Variants in TMX2 observed in about 807,000 individuals in gnomAD.
TMX2 encodes thioredoxin-related transmembrane protein 2.
TMX2 carries 20 observed loss-of-function variants against 33.4 expected under a neutral mutation model. The observed-to-expected ratio is 0.60, with a 90% CI of 0.42 to 0.87. The LOEUF is 0.87. Ranked by LOEUF, TMX2 falls within the 40% of genes least tolerant of loss-of-function variation. The pLI is 0.00. For missense variants in TMX2, 340 were observed against 370.7 expected (o/e 0.92, Z 0.68); for synonymous variants, 166 against 140.7 (o/e 1.18, Z -1.27).
chr11:57,715,469 T>G (rs1020844830), intron 1 of TMX2, among the ~76,000 whole-genome samples: 1 of 150,208 alleles, frequency 6.7e-6, no homozygotes, highest in African/African-American at 2.4e-5. Flanking sequence ...TAATGTGCTT[T>G]TAATACTAAA....
chr11:57,728,506 C>G (rs774740160), intron 1 of TMX2, among the ~76,000 whole-genome samples: 1 of 152,212 alleles, frequency 6.6e-6, no homozygotes, highest in East Asian at 1.9e-4. Context: ...TCGAGCTTCT[C>G]CTTCGGTGGA....
chr11:57,738,111 T>G, intron 3 of TMX2, 85 bp downstream of exon 3: 1 of 1,105,506 alleles, frequency 9.0e-7, no homozygotes, highest in East Asian at 2.4e-5. Flanking sequence ...TCCCAACAGT[T>G]GCAATCCCAA....
intron 7 of TMX2, 85 bp downstream of exon 7, chr11:57,739,345 T>G: frequency 2.8e-6 from 4 of 1,439,144 alleles, no homozygotes; most frequent in Non-Finnish European, 3.9e-6. Flanking sequence ...TTCACAGCTC[T>G]GCCACTTGCC....
At chr11:57,716,851 C>T (rs980654928) in intron 1 of TMX2, among the ~76,000 whole-genome samples, 6 of 151,198 alleles carry the variant, frequency 4.0e-5, no homozygotes, top group Non-Finnish European at 5.9e-5. Flanking sequence ...TGACCCCCCC[C>T]ACCTCCCTCC....
chr11:57,737,305 A>G (rs1357298754), intron 1 of TMX2, among the ~76,000 whole-genome samples: 1 of 152,152 alleles, frequency 6.6e-6, no homozygotes, highest in African/African-American at 2.4e-5. Flanking sequence ...CTGCAATCCC[A>G]GCTACCTGGG....
chr11:57,738,547 G>A, intron 4 of TMX2, 117 bp downstream of exon 4: 1 of 1,233,362 alleles, frequency 8.1e-7, no homozygotes, highest in Admixed American at 1.7e-5. Flanking sequence ...GGGCACTGTG[G>A]TTCATTATGA....
chr11:57,726,256 AC>A (rs995835730), intron 1 of TMX2, among the ~76,000 whole-genome samples: 1 of 151,952 alleles, frequency 6.6e-6, no homozygotes, highest in Non-Finnish European at 1.5e-5. Flanking sequence ...CTACTAAAAT[AC>A]AAAAAATCAG....
rs767962300 is a variant in TMX2 at position 57,740,230 on chromosome 11, C to G, written c.876C>G (p.Asn292Lys). The G allele has an allele frequency of 2.4e-5, 38 of 1,604,162 alleles. No individual in the cohort carries two copies. Among genetic ancestry groups the G allele is most frequent in the Admixed American group, 3.5e-5 (2 of 57,378 alleles). Residue 292 changes from asparagine to lysine, a missense_variant, in exon 8 of 8, where the codon AAC (asparagine) becomes AAG (lysine). By Grantham distance (94) the Asn-to-Lys change is moderately conservative. Around this residue, in one of 3 missense-constraint regions of TMX2, gnomAD observed 209 missense variants for 241.6 expected, o/e 0.87. Transcript: ENST00000278422. Reference protein sequence around the residue: ...STPTTVSDGENKKDK With the variant: ...STPTTVSDGEKKKDK ...CCACCACAGTGTCAGATGGGGAAAACAAGAAGGATAAATAAGATCCTCACT... is the reference window on the plus strand; with the variant it reads ...CCACCACAGTGTCAGATGGGGAAAAGAAGAAGGATAAATAAGATCCTCACT...
At chr11:57,728,497 C>T (rs1948146283) in intron 1 of TMX2, among the ~76,000 whole-genome samples, 1 of 152,092 alleles carries the variant, frequency 6.6e-6, no homozygotes, top group Non-Finnish European at 1.5e-5. Flanking sequence ...CCACTGAGTT[C>T]GAGCTTCTCC....
intron 1 of TMX2, among the ~76,000 whole-genome samples, chr11:57,727,082 A>T (rs1343930556): frequency 1.3e-5 from 2 of 152,174 alleles, no homozygotes; most frequent in Non-Finnish European, 2.9e-5. Context: ...TCTTGTAAAT[A>T]TTATGCCAGA....
chr11:57,724,473 A>G (rs1440151664), intron 1 of TMX2, among the ~76,000 whole-genome samples: 1 of 152,168 alleles, frequency 6.6e-6, no homozygotes, highest in Non-Finnish European at 1.5e-5. Flanking sequence ...CCCGTTTTAC[A>G]TGGGTGCCCT....
rs376990321 is a variant in TMX2, at chr11:57,712,783, C to G, written c.165C>G (p.Asp55Glu). The change falls in exon 1 of 8, where the codon GAC becomes GAG. Residue 55 changes from aspartate (D) to glutamate (E), a missense_variant. Around this residue, in one of 3 missense-constraint regions of TMX2, gnomAD observed 106 missense variants for 82.7 expected, o/e 1.28. Coordinates refer to ENST00000278422, the MANE Select transcript of TMX2 (RefSeq NM_015959.4). Reference sequence around the variant, plus strand: ...ACGGTCTGCCCACCCAACGCGAAGACGGTAACCCGTGTGACTTTGACTGGG... The same window carrying G: ...ACGGTCTGCCCACCCAACGCGAAGAGGGTAACCCGTGTGACTTTGACTGGG... ...LCHGLPTQRE[D>E]GNPCDFDWRE... The G allele has an allele frequency of 1.9e-6, 3 of 1,613,978 alleles. No individual in the cohort carries two copies. The highest frequency in any genetic ancestry group is 1.7e-5 in the Admixed American group (1 of 60,000).
In TMX2 at chr11:57,726,401, A is replaced by G. The variant is rs968422484; in HGVS notation, c.190-11207A>G. On this transcript the variant is annotated intron_variant, in intron 1 of 7. Transcript: ENST00000278422. ...GCACTCTGGCCTGGGCGACAGAGCC[A>G]GACTCCATCTCCATAAAAGATAAGA... Among the ~76,000 whole-genome samples the G allele has an allele frequency of 3.9e-5, 6 of 152,186 alleles. No homozygotes were observed. In the East Asian group the frequency reaches 1.2e-3, roughly 29 times the overall value.
intron 1 of TMX2, among the ~76,000 whole-genome samples, chr11:57,727,272 A>G (rs1948068964): frequency 6.6e-6 from 1 of 152,138 alleles, no homozygotes; most frequent in African/African-American, 2.4e-5. Context: ...ATTTAAAACT[A>G]TTACCATCAA....
At chr11:57,713,102 C>G (rs1380205151) in intron 1 of TMX2, among the ~76,000 whole-genome samples, 1 of 152,216 alleles carries the variant, frequency 6.6e-6, no homozygotes, top group Non-Finnish European at 1.5e-5. Context: ...CCTATCAAAA[C>G]TGTACATACA....
intron 1 of TMX2, among the ~76,000 whole-genome samples, chr11:57,717,071 C>T (rs1300760321): frequency 4.0e-5 from 6 of 148,480 alleles, no homozygotes; most frequent in Admixed American, 3.3e-4. Flanking sequence ...GACGGGGCGG[C>T]GGGGCAGAGG....
rs146572351 is a variant in TMX2 at position 57,712,756 on chromosome 11, C to T, written c.138C>T (p.Cys46=). Residue 46 remains cysteine, a synonymous_variant, in exon 1 of 8, where the codon TGC becomes TGT. Coordinates refer to ENST00000278422, the MANE Select transcript of TMX2 (RefSeq NM_015959.4). ...TCGTGAGGAAACTGCCGCCGCTCTG[C>T]CACGGTCTGCCCACCCAACGCGAAG... ...FLLVRKLPPL[C]HGLPTQREDG... The T allele has an allele frequency of 1.9e-5, 30 of 1,614,058 alleles. No individual in the cohort carries two copies. The highest frequency in any genetic ancestry group is 2.3e-5 in the Non-Finnish European group (27 of 1,180,044).
chr11:57,729,771 C>A lies in TMX2; in HGVS notation c.190-7837C>A, dbSNP rs570313363. 2.4e-4 allele frequency among the ~76,000 whole-genome samples: 36 copies of A among 152,230 alleles called. 1 individual carries two copies. Among genetic ancestry groups the A allele is most frequent in the Middle Eastern group, 3.4e-3 (1 of 294 alleles). ...TATGTGTGTGTATACAATATTTTCA[C>A]TACTGAAAATATATAAAGAGCTCTA... On this transcript the variant is annotated intron_variant, in intron 1 of 7. Coordinates refer to ENST00000278422, the MANE Select transcript of TMX2 (RefSeq NM_015959.4).
At chr11:57,727,206 A>G (rs1390207117) in intron 1 of TMX2, among the ~76,000 whole-genome samples, 1 of 152,068 alleles carries the variant, frequency 6.6e-6, no homozygotes, top group African/African-American at 2.4e-5. Context: ...CCCTTAAACA[A>G]TTGGCTATTA....
Sources: gnomAD v4.1 joint callset for allele counts (sites outside exome capture counted in the v4.1 genomes callset) on GRCh38, gnomAD v4.1.1 for gene constraint, gnomAD v4.1.1 regional missense constraint, MANE v1.5 for transcripts, NCBI Gene and HGNC (gene_info 2026-07-23, HGNC 2026-07-21) for gene names.